RPS6KC1: variants seen among roughly 807,000 people sequenced by gnomAD.
RPS6KC1 encodes the protein inactive ribosomal protein S6 kinase delta-1.
A neutral mutation model predicts 103.8 loss-of-function variants in RPS6KC1; 54 were observed. The ratio of observed to expected loss-of-function variants is 0.52; its 90% CI spans 0.42 to 0.65. The LOEUF is 0.65. Ranked by LOEUF, RPS6KC1 falls within the 30% of genes least tolerant of loss-of-function variation. RPS6KC1 has a pLI of 0.00. For synonymous variants in RPS6KC1, 439 were observed against 438.7 expected (o/e 1.00, Z -0.01); for missense variants, 1,151 against 1,253.8 (o/e 0.92, Z 1.24).
intron 3 of RPS6KC1, among the ~76,000 whole-genome samples, chr1:213,088,665 ATG>A: frequency 6.6e-6 from 1 of 152,204 alleles, no homozygotes; most frequent in Non-Finnish European, 1.5e-5. Flanking sequence ...GCCTGGCCTC[ATG>A]GCTAATTTTT....
the RPS6KC1 span, among the ~76,000 whole-genome samples, chr1:213,799,285 T>G: frequency 6.6e-6 from 1 of 152,154 alleles, no homozygotes; most frequent in African/African-American, 2.4e-5. Context: ...GTTGGTGTAA[T>G]TATTTCTTAA....
chr1:213,159,754 G>A (rs373333571), intron 6 of RPS6KC1, among the ~76,000 whole-genome samples: 6 of 152,250 alleles, frequency 3.9e-5, no homozygotes, highest in African/African-American at 1.4e-4. Flanking sequence ...GAGGATTCTC[G>A]AAGTGTTTTT....
chr1:213,256,529 G>A (rs956345117), intron 12 of RPS6KC1, among the ~76,000 whole-genome samples: 2 of 148,698 alleles, frequency 1.3e-5, no homozygotes, highest in African/African-American at 5.1e-5. Context: ...GATAGCTGAT[G>A]AGCTAAAAAA....
chr1:213,570,247 C>T, the RPS6KC1 span, among the ~76,000 whole-genome samples: 1 of 152,110 alleles, frequency 6.6e-6, no homozygotes, highest in African/African-American at 2.4e-5. Context: ...AAGGGATACT[C>T]ATAGTATTTA....
At chr1:213,268,959 T>A (rs997051052) in intron 14 of RPS6KC1, among the ~76,000 whole-genome samples, 1 of 151,800 alleles carries the variant, frequency 6.6e-6, no homozygotes, top group South Asian at 2.1e-4. Context: ...AGACAGTAAA[T>A]CTAGAAAACA....
chr1:213,696,451 G>A, the RPS6KC1 span, among the ~76,000 whole-genome samples: 3 of 143,766 alleles, frequency 2.1e-5, no homozygotes, highest in African/African-American at 8.4e-5. Flanking sequence ...GCGGTGAGCC[G>A]AGATCACGCC....
chr1:213,064,005 T>G (rs1240266122), intron 1 of RPS6KC1, among the ~76,000 whole-genome samples: 2 of 152,238 alleles, frequency 1.3e-5, no homozygotes, highest in Non-Finnish European at 2.9e-5. Flanking sequence ...TAGTACTAAC[T>G]GAATCAGTGG....
At chr1:213,066,733 A>G (rs758855811) in intron 1 of RPS6KC1, among the ~76,000 whole-genome samples, 4 of 152,236 alleles carry the variant, frequency 2.6e-5, no homozygotes, top group Non-Finnish European at 4.4e-5. Context: ...AAATGTGATT[A>G]TCTATGGGAA....
intron 1 of RPS6KC1, among the ~76,000 whole-genome samples, chr1:213,054,336 A>G (rs1030994114): frequency 3.3e-5 from 5 of 152,250 alleles, no homozygotes; most frequent in Admixed American, 2.0e-4. Flanking sequence ...GTCTTCATTT[A>G]TTGCTTATGT....
At chr1:213,694,736 T>C in the RPS6KC1 span, among the ~76,000 whole-genome samples, 3 of 152,154 alleles carry the variant, frequency 2.0e-5, no homozygotes, top group Admixed American at 1.3e-4. Context: ...CAATACTAAT[T>C]TGGTTTTGTT....
At chr1:213,194,249 T>A (rs1363326565) in intron 8 of RPS6KC1, among the ~76,000 whole-genome samples, 1 of 152,220 alleles carries the variant, frequency 6.6e-6, no homozygotes, top group Non-Finnish European at 1.5e-5. Flanking sequence ...TTGGGTTTTT[T>A]AAAATCCATT....
the RPS6KC1 span, among the ~76,000 whole-genome samples, chr1:213,280,272 C>G: frequency 6.6e-6 from 1 of 152,176 alleles, no homozygotes; most frequent in Admixed American, 6.5e-5. Context: ...GAGATTCAGG[C>G]AGTCTGTCAG....
intron 1 of RPS6KC1, among the ~76,000 whole-genome samples, chr1:213,057,130 G>A (rs760084293): frequency 6.6e-6 from 1 of 151,766 alleles, no homozygotes; most frequent in Non-Finnish European, 1.5e-5. Context: ...TTTAAGAGAC[G>A]GGGTTTCACC....
intron 6 of RPS6KC1, among the ~76,000 whole-genome samples, chr1:213,140,637 T>C (rs757299737): frequency 6.6e-6 from 1 of 152,126 alleles, no homozygotes; most frequent in Non-Finnish European, 1.5e-5. Context: ...GGTGATCACA[T>C]TTATTGATTT....
chr1:213,818,387 G>A, the RPS6KC1 span: 1 of 152,440 alleles, frequency 6.6e-6, no homozygotes, highest in Non-Finnish European at 1.5e-5. Context: ...AGTGAACACA[G>A]GAATGATAAG....
chr1:213,574,563 A>T, the RPS6KC1 span, among the ~76,000 whole-genome samples: 1 of 152,168 alleles, frequency 6.6e-6, no homozygotes, highest in Non-Finnish European at 1.5e-5. Context: ...AGGAAGAAAA[A>T]ACAACAGATC....
chr1:213,098,000 C>T (rs1419007568), intron 3 of RPS6KC1, among the ~76,000 whole-genome samples: 2 of 152,202 alleles, frequency 1.3e-5, no homozygotes, highest in African/African-American at 2.4e-5. Flanking sequence ...CGCTGCTTCA[C>T]TTTCTTATCA....
chr1:213,692,940 C>T, the RPS6KC1 span, among the ~76,000 whole-genome samples: 1 of 152,186 alleles, frequency 6.6e-6, no homozygotes, highest in African/African-American at 2.4e-5. Flanking sequence ...ATTGGCTGCC[C>T]TGCTCATGTC....
At chr1:213,594,842 G>T in the RPS6KC1 span, among the ~76,000 whole-genome samples, 1 of 152,324 alleles carries the variant, frequency 6.6e-6, no homozygotes, top group Non-Finnish European at 1.5e-5. Context: ...GACAGAGACA[G>T]TGCCAGCACA....
Sources: allele counts gnomAD v4.1 joint callset (sites outside exome capture counted in the v4.1 genomes callset), GRCh38; gene constraint gnomAD v4.1.1; transcripts MANE v1.5; gene names NCBI Gene and HGNC (gene_info 2026-07-23, HGNC 2026-07-21).